Variants in WDR70 observed in about 807,000 individuals in gnomAD.
The protein encoded by WDR70 is WD repeat domain 70.
Under a neutral mutation model 88.6 loss-of-function variants are expected in WDR70, and 53 were observed. That is an observed-to-expected ratio of 0.60 (90% CI 0.48 to 0.75). WDR70 has a LOEUF of 0.75. Among genes scored for constraint, WDR70 ranks in the 30% least tolerant of loss-of-function variants. WDR70 has a pLI of 0.00. For synonymous variants in WDR70, 280 were observed against 270.0 expected (o/e 1.04, Z -0.36); for missense variants, 610 against 823.2 (o/e 0.74, Z 3.17).
intron 9 of WDR70, among the ~76,000 whole-genome samples, chr5:37,519,529 G>A (rs1741013519): frequency 6.9e-6 from 1 of 144,594 alleles, no homozygotes; most frequent in South Asian, 2.2e-4. Context: ...TCACCTCCCA[G>A]ACGGGGCGGC....
At chr5:37,694,113 A>T (rs1746904730) in intron 10 of WDR70, among the ~76,000 whole-genome samples, 1 of 152,168 alleles carries the variant, frequency 6.6e-6, no homozygotes, top group Admixed American at 6.5e-5. Flanking sequence ...ATCGTCACTG[A>T]TTATCAGAGA....
At chr5:37,503,845 T>C (rs1431084043) in intron 8 of WDR70, among the ~76,000 whole-genome samples, 1 of 152,150 alleles carries the variant, frequency 6.6e-6, no homozygotes, top group Non-Finnish European at 1.5e-5. Context: ...TGATGCAAGC[T>C]CTGGGGGTTG....
intron 12 of WDR70, among the ~76,000 whole-genome samples, chr5:37,702,720 G>A (rs567148122): frequency 3.8e-4 from 58 of 152,242 alleles, no homozygotes; most frequent in African/African-American, 8.7e-4. Context: ...TTTTGTTGCC[G>A]TGTGCAAGGT....
At chr5:37,679,647 G>C (rs926276891) in intron 10 of WDR70, among the ~76,000 whole-genome samples, 1 of 152,210 alleles carries the variant, frequency 6.6e-6, no homozygotes, top group Admixed American at 6.5e-5. Context: ...CCCTACTGGG[G>C]GGTGCCTCCC....
chr5:37,396,529 G>C lies in WDR70; in HGVS notation c.451G>C (p.Glu151Gln). The C allele has an allele frequency of 4.3e-6, 7 of 1,613,208 alleles. No homozygotes were observed. The highest frequency in any genetic ancestry group is 5.9e-6 in the Non-Finnish European group (7 of 1,179,876). ...PLPPPLNEEE[E>Q]EAEEEEEEEE... ...ACCTCCACCTCTTAATGAAGAAGAA[G>C]AAGAAGCAGAGGAAGAAGAAGAGGA... The change falls in exon 5 of 18, where the codon GAA becomes CAA. Residue 151 changes from glutamate to glutamine, a missense_variant. Physicochemically the swap from Glu to Gln is conservative, Grantham distance 29 (BLOSUM62 2). Around this residue, in one of 4 missense-constraint regions of WDR70, gnomAD observed 203 missense variants for 228.1 expected, o/e 0.89. Coordinates refer to ENST00000265107, the MANE Select transcript of WDR70 (RefSeq NM_018034.4).
chr5:37,693,356 A>C (rs1344375968), intron 10 of WDR70, among the ~76,000 whole-genome samples: 8 of 152,222 alleles, frequency 5.3e-5, no homozygotes, highest in Non-Finnish European at 8.8e-5. Flanking sequence ...ATTGGAAAAA[A>C]CTACTTTAAA....
chr5:37,392,757 G>C (rs576690842), intron 4 of WDR70, among the ~76,000 whole-genome samples: 5 of 151,930 alleles, frequency 3.3e-5, no homozygotes, highest in Admixed American at 6.6e-5. Flanking sequence ...TGATTTTCCT[G>C]CCTTAGCCTC....
intron 5 of WDR70, among the ~76,000 whole-genome samples, chr5:37,397,777 G>A (rs1213727017): frequency 1.3e-5 from 2 of 152,052 alleles, no homozygotes; most frequent in Non-Finnish European, 2.9e-5. Flanking sequence ...GGCGGATCAC[G>A]AGGTCAAGAG....
intron 13 of WDR70, among the ~76,000 whole-genome samples, chr5:37,703,516 G>A (rs1376273738): frequency 6.6e-6 from 1 of 152,208 alleles, no homozygotes; most frequent in African/African-American, 2.4e-5. Flanking sequence ...TGTGTGGGTT[G>A]TAGTCATTAA....
chr5:37,682,986 T>A (rs1201804809), intron 10 of WDR70, among the ~76,000 whole-genome samples: 1 of 152,162 alleles, frequency 6.6e-6, no homozygotes, highest in Non-Finnish European at 1.5e-5. Context: ...TCTTTGAAGG[T>A]CTCTAAGAAC....
chr5:37,506,573 A>G (rs1256085543), intron 8 of WDR70: 3 of 774,232 alleles, frequency 3.9e-6, no homozygotes, highest in Non-Finnish European at 7.2e-6. Context: ...ACCTCCCTCC[A>G]ACATTTAATG....
chr5:37,670,061 T>A (rs548916614), intron 10 of WDR70, among the ~76,000 whole-genome samples: 1 of 152,282 alleles, frequency 6.6e-6, no homozygotes, highest in South Asian at 2.1e-4. Flanking sequence ...TGTATGGGGT[T>A]TCCTTTTGGG....
chr5:37,474,065 T>C (rs1233788608), intron 7 of WDR70, among the ~76,000 whole-genome samples: 1 of 152,212 alleles, frequency 6.6e-6, no homozygotes, highest in African/African-American at 2.4e-5. Context: ...TTCTAATTTG[T>C]ATTGTGTTTT....
chr5:37,620,974 T>A (rs534111894), intron 10 of WDR70, among the ~76,000 whole-genome samples: 41 of 152,068 alleles, frequency 2.7e-4, no homozygotes, highest in African/African-American at 9.9e-4. Context: ...AGCAGATGGA[T>A]GTACAAGATA....
At chr5:37,713,502 T>G (rs956373033) in intron 13 of WDR70, among the ~76,000 whole-genome samples, 3 of 151,890 alleles carry the variant, frequency 2.0e-5, no homozygotes, top group Non-Finnish European at 4.4e-5. Flanking sequence ...TTAAATTTAT[T>G]TAATAGGTAT....
At chr5:37,528,110 C>G (rs1581368320) in intron 9 of WDR70, among the ~76,000 whole-genome samples, 1 of 152,138 alleles carries the variant, frequency 6.6e-6, no homozygotes, top group African/African-American at 2.4e-5. Context: ...AGCATTTGAC[C>G]CAGCCATCCC....
chr5:37,570,934 T>A (rs1252711489), intron 9 of WDR70, among the ~76,000 whole-genome samples: 1 of 152,120 alleles, frequency 6.6e-6, no homozygotes, highest in Non-Finnish European at 1.5e-5. Context: ...GTAACACATA[T>A]AAGGTTCTCA....
intron 8 of WDR70, among the ~76,000 whole-genome samples, chr5:37,498,645 G>T (rs1740302398): frequency 6.6e-6 from 1 of 152,128 alleles, no homozygotes. Flanking sequence ...GCAGTTGGTT[G>T]TCTTTATTTC....
chr5:37,668,277 A>G (rs1745922332), intron 10 of WDR70, among the ~76,000 whole-genome samples: 2 of 152,220 alleles, frequency 1.3e-5, no homozygotes, highest in South Asian at 4.1e-4. Context: ...GCATCAGAAC[A>G]GTAAAATATA....
Sources: allele counts gnomAD v4.1 joint callset (sites outside exome capture counted in the v4.1 genomes callset), GRCh38; gene constraint gnomAD v4.1.1; regional missense constraint gnomAD v4.1.1; transcripts MANE v1.5; gene names NCBI Gene and HGNC (gene_info 2026-07-23, HGNC 2026-07-21).